The following CEP43 variants were observed in gnomAD, a reference collection of about 807,000 sequenced individuals.
The protein encoded by CEP43 is FGFR1 oncogene partner.
Under a neutral mutation model 52.6 loss-of-function variants are expected in CEP43, and 36 were observed. That is an observed-to-expected ratio of 0.68 (90% CI 0.52 to 0.90). The LOEUF (loss-of-function observed/expected upper bound fraction) is 0.90, where lower values mean the gene tolerates loss of function less well. Ranked by LOEUF, CEP43 falls within the 40% of genes least tolerant of loss-of-function variation. The pLI, the probability that CEP43 is intolerant of heterozygous loss-of-function variation, is 0.00. For synonymous variants in CEP43, 192 were observed against 172.4 expected (o/e 1.11, Z -0.89); for missense variants, 506 against 472.8 (o/e 1.07, Z -0.65).
chr6:167,032,391 C>T (rs1039834821), intron 10 of CEP43, among the ~76,000 whole-genome samples: 37 of 152,098 alleles, frequency 2.4e-4, no homozygotes, highest in Admixed American at 2.2e-3. Flanking sequence ...GAGGTGTTAA[C>T]CACATTTTAT....
intron 10 of CEP43, among the ~76,000 whole-genome samples, chr6:167,030,874 C>G (rs376571402): frequency 0.43 from 64,730 of 150,100 alleles, 14,103 homozygotes; most frequent in Non-Finnish European, 0.49. Context: ...TCCCTTTGTA[C>G]AAAGCTTCCC....
intron 7 of CEP43, among the ~76,000 whole-genome samples, chr6:167,018,497 T>A (rs1308850740): frequency 6.6e-6 from 1 of 152,092 alleles, no homozygotes; most frequent in Non-Finnish European, 1.5e-5. Flanking sequence ...TTCAAGCGAT[T>A]CTCCTGCCCC....
At chr6:167,021,075 A>G (rs910660795) in intron 7 of CEP43, among the ~76,000 whole-genome samples, 13 of 53,526 alleles carry the variant, frequency 2.4e-4, no homozygotes, top group African/African-American at 6.0e-4. Context: ...TAAAAAAGAA[A>G]AAAAAAAAAA....
chr6:167,000,054 T>G lies in CEP43; in HGVS notation c.103-6T>G, dbSNP rs1229961937. 6.2e-7 allele frequency: 1 copy of G among 1,610,004 alleles called. No homozygotes were observed. The highest frequency in any genetic ancestry group is 1.7e-5 in the Admixed American group (1 of 59,758). On this transcript the variant is annotated splice_region_variant and splice_polypyrimidine_tract_variant and intron_variant, in intron 1 of 12. Coordinates refer to ENST00000366847, the MANE Select transcript of CEP43 (RefSeq NM_007045.4). ...ATAATTTCCTGTTTCTTAACTTTTT[T>G]TTAAGGCTGAACTCCGAGCAGCTGT...
intron 11 of CEP43, 58 bp from the exon 12 acceptor site, chr6:167,033,817 A>G (rs1425912892): frequency 2.6e-6 from 2 of 754,928 alleles, no homozygotes; most frequent in South Asian, 1.8e-5. Flanking sequence ...AAAGAATAGT[A>G]ATCTCTTTAA....
chr6:167,039,175 G>C (rs1780641080), intron 12 of CEP43, among the ~76,000 whole-genome samples: 1 of 151,910 alleles, frequency 6.6e-6, no homozygotes, highest in Non-Finnish European at 1.5e-5. Flanking sequence ...TGTCACCCAA[G>C]CTGGAGTGCA....
rs1484142850 is a variant in CEP43 at position 167,045,288 on chromosome 6, GAC to G, written c.*5313_*5314del. On this transcript the variant is annotated 3_prime_UTR_variant, in exon 13 of 13. Transcript: ENST00000366847. ...GCGAATTTTTTTTGTATTTTTAGTAGACACGGGATCTCACCGTGTTGGCCAGG... is the reference window on the plus strand; with the variant it reads ...GCGAATTTTTTTTGTATTTTTAGTAGACGGGATCTCACCGTGTTGGCCAGG... 4 of 151,132 alleles carry G rather than the reference GAC, an allele frequency of 2.6e-5. No homozygotes were observed. The highest frequency in any genetic ancestry group is 7.3e-5 in the African/African-American group (3 of 41,238). The allele number at this position is 151,132 out of a possible 1,614,324, so 9.4% of individuals were successfully genotyped here.
At chr6:167,035,659 C>T (rs1283369886) in intron 12 of CEP43, among the ~76,000 whole-genome samples, 8 of 152,044 alleles carry the variant, frequency 5.3e-5, no homozygotes, top group South Asian at 4.1e-4. Context: ...CTCCGCCTCC[C>T]GGGTTCATGC....
At chr6:167,032,523 T>G in intron 10 of CEP43, 80 bp from the exon 11 acceptor site, 1 of 1,310,474 alleles carries the variant, frequency 7.6e-7, no homozygotes, top group Non-Finnish European at 1.0e-6. Context: ...TAATTAATTT[T>G]TTTTAAGGAA....
chr6:167,038,687 T>C (rs971709154), intron 12 of CEP43, among the ~76,000 whole-genome samples: 1 of 152,268 alleles, frequency 6.6e-6, no homozygotes, highest in Non-Finnish European at 1.5e-5. Flanking sequence ...AAGATTGTAC[T>C]AACTTAGTAG....
chr6:167,035,534 C>A (rs1429158146), intron 12 of CEP43, among the ~76,000 whole-genome samples: 1 of 151,600 alleles, frequency 6.6e-6, no homozygotes, highest in African/African-American at 2.4e-5. Context: ...TGCTACTTAC[C>A]ACTCACAAAT....
intron 10 of CEP43, 141 bp from the exon 11 acceptor site, chr6:167,032,462 T>G (rs1780489631): frequency 1.6e-6 from 1 of 626,740 alleles, no homozygotes; most frequent in Admixed American, 3.3e-5. Context: ...CTTCATATTA[T>G]ATATGCTTAA....
intron 10 of CEP43, among the ~76,000 whole-genome samples, chr6:167,031,230 G>C (rs906105611): frequency 5.3e-5 from 8 of 152,188 alleles, no homozygotes; most frequent in South Asian, 4.1e-4. Context: ...TGCACTGGTG[G>C]TTTTTCAAAC....
At chr6:166,999,739 C>G (rs1277066663) in intron 1 of CEP43, 1 of 498,244 alleles carries the variant, frequency 2.0e-6, no homozygotes, top group Non-Finnish European at 3.5e-6. Flanking sequence ...GGGTGCCTGG[C>G]CCATCCCCTG....
At chr6:167,026,419 C>T (rs542129062) in intron 9 of CEP43, 128 bp from the exon 10 acceptor site, 5 of 661,542 alleles carry the variant, frequency 7.6e-6, no homozygotes, top group East Asian at 5.4e-5. Flanking sequence ...TTTATTTTTT[C>T]CTTAGTTTTA....
rs368396376 is a variant in CEP43, at chr6:167,040,031, A to ATTTT, written c.*62_*65dup. ...CAAGGACAGAGGACTGACCGGTTCC[A>ATTTT]TTTTTTTTTTTTCCAGACAATCACT... On this transcript the variant is annotated 3_prime_UTR_variant, in exon 13 of 13. Coordinates refer to ENST00000366847, the MANE Select transcript of CEP43 (RefSeq NM_007045.4). 3 of 1,421,936 alleles carry ATTTT rather than the reference A, an allele frequency of 2.1e-6. No individual in the cohort carries two copies. Among genetic ancestry groups the ATTTT allele is most frequent in the Admixed American group, 1.9e-5 (1 of 52,946 alleles). 88.1% of individuals were successfully genotyped at this position (1,421,936 alleles called of 1,614,324 possible).
intron 7 of CEP43, among the ~76,000 whole-genome samples, chr6:167,021,606 C>G (rs977984853): frequency 2.6e-5 from 4 of 152,120 alleles, no homozygotes; most frequent in Non-Finnish European, 5.9e-5. Flanking sequence ...AAGGTTAGGA[C>G]TCCCTGAAAA....
chr6:167,032,182 C>G (rs951998315), intron 10 of CEP43, among the ~76,000 whole-genome samples: 12 of 152,210 alleles, frequency 7.9e-5, no homozygotes, highest in African/African-American at 2.7e-4. Flanking sequence ...TGCTGTGCTT[C>G]ATGGCCTCTT....
Position 167,047,160 on chromosome 6 carries a change from T to A in CEP43, c.*7182T>A, listed in dbSNP as rs766445744. 1 of 152,298 alleles carries A rather than the reference T, an allele frequency of 6.6e-6. No homozygotes were observed. The highest frequency in any genetic ancestry group is 1.5e-5 in the Non-Finnish European group (1 of 68,140). 9.4% of individuals were successfully genotyped at this position (152,298 alleles called of 1,614,324 possible). On this transcript the variant is annotated 3_prime_UTR_variant, in exon 13 of 13. Coordinates refer to ENST00000366847, the MANE Select transcript of CEP43 (RefSeq NM_007045.4). ...GATGTTCAATGCGAAATTTGAACAT[T>A]GGGACCTGAAAAACTGATGGGCTGA...
Sources: gnomAD v4.1 joint callset for allele counts (sites outside exome capture counted in the v4.1 genomes callset) on GRCh38, gnomAD v4.1.1 for gene constraint, MANE v1.5 for transcripts, NCBI Gene and HGNC (gene_info 2026-07-23, HGNC 2026-07-21) for gene names.